Variants in KCNIP1 observed in about 807,000 individuals in gnomAD.
The protein encoded by KCNIP1 is potassium voltage-gated channel interacting protein 1.
In KCNIP1, 18 loss-of-function variants were observed where a neutral mutation model predicts 33.0. The ratio of observed to expected loss-of-function variants is 0.55; its 90% CI spans 0.38 to 0.81. The LOEUF is 0.81. Ranked by LOEUF, KCNIP1 falls within the 30% of genes least tolerant of loss-of-function variation. The pLI is 0.00. For synonymous variants in KCNIP1, 93 were observed against 98.3 expected (o/e 0.95, Z 0.32); for missense variants, 238 against 271.6 (o/e 0.88, Z 0.87).
intron 1 of KCNIP1, among the ~76,000 whole-genome samples, chr5:170,519,822 G>A (rs958959631): frequency 1.3e-5 from 2 of 152,140 alleles, no homozygotes; most frequent in African/African-American, 4.8e-5. Context: ...CCTGCCCATA[G>A]CAAGCCCTCC....
chr5:170,530,341 C>A (rs1010817131), intron 1 of KCNIP1, among the ~76,000 whole-genome samples: 2 of 152,158 alleles, frequency 1.3e-5, no homozygotes, highest in Non-Finnish European at 2.9e-5. Context: ...AGAGGCTTTG[C>A]GTAACTGCTC....
intron 1 of KCNIP1, among the ~76,000 whole-genome samples, chr5:170,687,112 T>C (rs1762562213): frequency 6.6e-6 from 1 of 152,134 alleles, no homozygotes; most frequent in Non-Finnish European, 1.5e-5. Flanking sequence ...TGCTCGTCAA[T>C]CACTCTTAAA....
chr5:170,561,677 G>A (rs1412465060), intron 1 of KCNIP1, among the ~76,000 whole-genome samples: 3 of 152,212 alleles, frequency 2.0e-5, no homozygotes, highest in African/African-American at 4.8e-5. Flanking sequence ...CACACAGGAC[G>A]CCTATGCACA....
At chr5:170,500,768 C>T (rs548705482), upstream of KCNIP1, among the ~76,000 whole-genome samples, 1 of 152,304 alleles carries the variant, frequency 6.6e-6, no homozygotes, top group Non-Finnish European at 1.5e-5. Context: ...GCAAATAATA[C>T]CCATGTCACA....
intron 5 of KCNIP1, among the ~76,000 whole-genome samples, chr5:170,731,588 G>C (rs1764194864): frequency 6.6e-6 from 1 of 151,760 alleles, no homozygotes; most frequent in South Asian, 2.1e-4. Flanking sequence ...CCAGCTACTT[G>C]AGAGGCTGAG....
At chr5:170,702,603 T>C (rs1004650155) in intron 1 of KCNIP1, among the ~76,000 whole-genome samples, 2 of 152,160 alleles carry the variant, frequency 1.3e-5, no homozygotes, top group Admixed American at 6.5e-5. Flanking sequence ...AGGAGACTTG[T>C]ATTAGTGGAA....
intron 1 of KCNIP1, chr5:170,669,441 T>C: frequency 1.2e-6 from 1 of 835,140 alleles, no homozygotes; most frequent in Non-Finnish European, 1.4e-6. Flanking sequence ...TTAGGCTACA[T>C]AGAATGTATT....
intron 1 of KCNIP1, among the ~76,000 whole-genome samples, chr5:170,608,236 TGCTGCTGAGA>T (rs1356659246): frequency 6.6e-6 from 1 of 152,180 alleles, no homozygotes; most frequent in Non-Finnish European, 1.5e-5. Context: ...AGCAAACCTT[TGCTGCTGAGA>T]GCTGCTGATA....
At chr5:170,532,423 G>A (rs147544795) in intron 1 of KCNIP1, among the ~76,000 whole-genome samples, 1,938 of 152,164 alleles carry the variant, frequency 0.013, 17 homozygotes, top group Non-Finnish European at 0.019. Flanking sequence ...ACATGTCCTC[G>A]ACTCCCCTCA....
intron 1 of KCNIP1, among the ~76,000 whole-genome samples, chr5:170,436,213 C>A (rs530314982): frequency 4.7e-4 from 71 of 152,290 alleles, no homozygotes; most frequent in Admixed American, 4.0e-3. Context: ...TAATGAAGGC[C>A]CATGATGGGG....
intron 1 of KCNIP1, among the ~76,000 whole-genome samples, chr5:170,552,499 AT>A (rs1251943742): frequency 6.6e-6 from 1 of 152,154 alleles, no homozygotes; most frequent in Non-Finnish European, 1.5e-5. Flanking sequence ...GCTGCTTTAA[AT>A]TCAGAAATCC....
At chr5:170,414,171 A>G (rs904846426) in intron 1 of KCNIP1, among the ~76,000 whole-genome samples, 1 of 152,246 alleles carries the variant, frequency 6.6e-6, no homozygotes, top group Non-Finnish European at 1.5e-5. Flanking sequence ...AGAAGAAACT[A>G]TGGTCTGTAT....
intron 1 of KCNIP1, among the ~76,000 whole-genome samples, chr5:170,525,049 G>T (rs531530356): frequency 3.9e-5 from 6 of 152,214 alleles, no homozygotes; most frequent in Non-Finnish European, 8.8e-5. Context: ...ACAAGGCCGG[G>T]GAAACTTTGC....
At chr5:170,450,394 G>C (rs938843666) in intron 1 of KCNIP1, among the ~76,000 whole-genome samples, 7 of 152,108 alleles carry the variant, frequency 4.6e-5, no homozygotes, top group African/African-American at 1.7e-4. Flanking sequence ...CACAAATCAA[G>C]ATGTTCAGTT....
intron 1 of KCNIP1, among the ~76,000 whole-genome samples, chr5:170,589,748 G>GTGA (rs1758144194): frequency 8.6e-6 from 1 of 115,924 alleles, no homozygotes; most frequent in African/African-American, 3.2e-5. Context: ...GTGTGGTGTG[G>GTGA]TGTGGTGTGG....
intron 1 of KCNIP1, among the ~76,000 whole-genome samples, chr5:170,410,204 T>C (rs186577304): frequency 1.3e-5 from 2 of 152,130 alleles, no homozygotes; most frequent in East Asian, 3.9e-4. Flanking sequence ...GCCTCCTGGG[T>C]CCCCCACTCA....
chr5:170,666,956 T>C (rs1422734739), intron 1 of KCNIP1, among the ~76,000 whole-genome samples: 1 of 152,244 alleles, frequency 6.6e-6, no homozygotes, highest in Non-Finnish European at 1.5e-5. Context: ...CTTTACGAAG[T>C]AAATGCGATA....
At chr5:170,454,420 T>C (rs1179163143) in intron 1 of KCNIP1, among the ~76,000 whole-genome samples, 2 of 152,060 alleles carry the variant, frequency 1.3e-5, no homozygotes, top group Admixed American at 1.3e-4. Flanking sequence ...ACTAGAGGAG[T>C]GTACCTAAAC....
At chr5:170,371,231 C>T (rs560767627) in intron 1 of KCNIP1, among the ~76,000 whole-genome samples, 37 of 152,286 alleles carry the variant, frequency 2.4e-4, no homozygotes, top group Admixed American at 1.8e-3. Flanking sequence ...TAGGCAGGTG[C>T]CAGCTGGCCT....
Sources: allele counts gnomAD v4.1 joint callset (sites outside exome capture counted in the v4.1 genomes callset), GRCh38; gene constraint gnomAD v4.1.1; transcripts MANE v1.5; gene names NCBI Gene and HGNC (gene_info 2026-07-23, HGNC 2026-07-21).